Variants in GALNT14 observed in about 807,000 individuals in gnomAD.
The protein encoded by GALNT14 is polypeptide N-acetylgalactosaminyltransferase 14, also known as UDP-GalNAc:polypeptide N-acetylgalactosaminyltransferase 14.
Under a neutral mutation model 77.5 loss-of-function variants are expected in GALNT14, and 60 were observed. That is an observed-to-expected ratio of 0.77 (90% CI 0.63 to 0.96). The LOEUF is 0.96. Ranked by LOEUF, GALNT14 falls within the 40% of genes least tolerant of loss-of-function variation. GALNT14 has a pLI of 0.00. For missense variants in GALNT14, 710 were observed against 731.0 expected (o/e 0.97, Z 0.33); for synonymous variants, 280 against 281.7 (o/e 0.99, Z 0.06).
At chr2:30,890,749 C>G in the GALNT14 span, among the ~76,000 whole-genome samples, 2 of 152,200 alleles carry the variant, frequency 1.3e-5, no homozygotes, top group Non-Finnish European at 2.9e-5. Context: ...GTCTGCATCT[C>G]TCATTAGAGA....
intron 7 of GALNT14, 128 bp from the exon 8 acceptor site, chr2:30,945,070 G>T: frequency 1.5e-6 from 1 of 687,178 alleles, no homozygotes; most frequent in Non-Finnish European, 2.3e-6. Context: ...CGGTCCCTGG[G>T]ATTGCAGGTT....
chr2:30,895,241 T>G, the GALNT14 span, among the ~76,000 whole-genome samples: 24 of 152,104 alleles, frequency 1.6e-4, no homozygotes, highest in Non-Finnish European at 3.1e-4. Context: ...GGGGGTCCCA[T>G]TCTCTGAGGA....
At chr2:30,945,114 C>T (rs1025288808) in intron 7 of GALNT14, among the ~76,000 whole-genome samples, 172 bp from the exon 8 acceptor site, 8 of 152,346 alleles carry the variant, frequency 5.3e-5, no homozygotes, top group African/African-American at 1.2e-4. Flanking sequence ...GCTGCCAAAG[C>T]GCCGTTCACA....
In GALNT14 at chr2:30,917,076, C is replaced by CAAA. The variant is rs529653696; in HGVS notation, c.1381-4737_1381-4735dup. ...TGGGCAAAAGAGTAAGACTCCGTCT[C>CAAA]AAAAAAAAAAAAAAAAAAAAAAAAA... On this transcript the variant is annotated intron_variant, in intron 13 of 14. Coordinates refer to ENST00000349752, the MANE Select transcript of GALNT14 (RefSeq NM_024572.4). Among the ~76,000 whole-genome samples the CAAA allele has an allele frequency of 4.3e-3, 86 of 19,904 alleles. 12 individuals carry two copies. The highest frequency in any genetic ancestry group is 0.014 in the African/African-American group (74 of 5,388). 13.1% of individuals were successfully genotyped at this position (19,904 alleles called of 152,430 possible).
At chr2:30,937,823 C>T (rs1364550130) in intron 9 of GALNT14, among the ~76,000 whole-genome samples, 1 of 152,162 alleles carries the variant, frequency 6.6e-6, no homozygotes, top group Non-Finnish European at 1.5e-5. Context: ...AGGGTGTGGA[C>T]ATCTTTGGGA....
At chr2:31,101,965 TGAA>T (rs1677303734) in intron 1 of GALNT14, among the ~76,000 whole-genome samples, 1 of 152,092 alleles carries the variant, frequency 6.6e-6, no homozygotes, top group Non-Finnish European at 1.5e-5. Context: ...CTGCTTCATG[TGAA>T]GAAGGACATG....
At chr2:30,949,408 G>GA (rs1412487721) in intron 6 of GALNT14, among the ~76,000 whole-genome samples, 2 of 152,168 alleles carry the variant, frequency 1.3e-5, no homozygotes, top group African/African-American at 4.8e-5. Context: ...GAGGCACACT[G>GA]AGTTCTCTGT....
At chr2:30,983,310 G>A (rs746982591) in intron 2 of GALNT14, among the ~76,000 whole-genome samples, 1 of 151,498 alleles carries the variant, frequency 6.6e-6, no homozygotes, top group Non-Finnish European at 1.5e-5. Flanking sequence ...CTTTCAGTCT[G>A]TTTTTTTTGT....
At chr2:30,959,833 C>A (rs1667578437) in intron 3 of GALNT14, among the ~76,000 whole-genome samples, 1 of 152,138 alleles carries the variant, frequency 6.6e-6, no homozygotes, top group Non-Finnish European at 1.5e-5. Context: ...CCTGAACACC[C>A]CAAACCACGT....
At chr2:30,953,739 C>T (rs1469609631) in intron 6 of GALNT14, among the ~76,000 whole-genome samples, 1 of 152,198 alleles carries the variant, frequency 6.6e-6, no homozygotes, top group Non-Finnish European at 1.5e-5. Context: ...CCTTACTAAG[C>T]AGGGTATGGA....
chr2:30,891,315 C>T, the GALNT14 span, among the ~76,000 whole-genome samples: 3 of 152,080 alleles, frequency 2.0e-5, no homozygotes, highest in Non-Finnish European at 2.9e-5. Context: ...AGTGCCTGTG[C>T]TAGCCAGGTG....
chr2:30,899,441 T>A, the GALNT14 span, among the ~76,000 whole-genome samples: 3 of 152,178 alleles, frequency 2.0e-5, no homozygotes, highest in Non-Finnish European at 4.4e-5. Context: ...CAGCCTGTTA[T>A]CTTCAGTAGC....
At chr2:30,905,414 G>T in the GALNT14 span, among the ~76,000 whole-genome samples, 2 of 152,020 alleles carry the variant, frequency 1.3e-5, no homozygotes, top group African/African-American at 4.8e-5. Context: ...CGTGAAGAAT[G>T]CAGAAGCCTC....
intron 1 of GALNT14, among the ~76,000 whole-genome samples, chr2:31,006,175 T>G (rs1365585397): frequency 1.3e-5 from 2 of 152,216 alleles, no homozygotes; most frequent in East Asian, 3.8e-4. Flanking sequence ...GGAATGTGTT[T>G]AGCATGGTTT....
intron 9 of GALNT14, among the ~76,000 whole-genome samples, chr2:30,936,157 C>G (rs1405772360): frequency 6.6e-6 from 1 of 152,072 alleles, no homozygotes; most frequent in East Asian, 1.9e-4. Flanking sequence ...TATTTGAGAG[C>G]GAATTGCCCT....
At chr2:31,088,987 C>T (rs1283703898) in intron 1 of GALNT14, among the ~76,000 whole-genome samples, 1 of 152,174 alleles carries the variant, frequency 6.6e-6, no homozygotes, top group Non-Finnish European at 1.5e-5. Flanking sequence ...AGATGAGCAG[C>T]TTAGATGGGA....
chr2:31,130,497 G>C (rs546211178), intron 1 of GALNT14, among the ~76,000 whole-genome samples: 1 of 152,292 alleles, frequency 6.6e-6, no homozygotes, highest in East Asian at 1.9e-4. Context: ...AGCATGGACA[G>C]AACATCAGGA....
chr2:30,927,173 G>T (rs1245802748), intron 11 of GALNT14, among the ~76,000 whole-genome samples: 1 of 152,026 alleles, frequency 6.6e-6, no homozygotes, highest in South Asian at 2.1e-4. Flanking sequence ...CCTGGTGTGG[G>T]GTCTTTAGAA....
At chr2:31,072,263 TCACACACACACACACACATACA>T (rs1295117487) in intron 1 of GALNT14, among the ~76,000 whole-genome samples, 6 of 80,276 alleles carry the variant, frequency 7.5e-5, no homozygotes, top group South Asian at 3.4e-4. Context: ...TCTCTCTCTC[TCACACACACACACACACATACA>T]CACACACACA....
Sources: allele counts gnomAD v4.1 joint callset (sites outside exome capture counted in the v4.1 genomes callset), GRCh38; gene constraint gnomAD v4.1.1; transcripts MANE v1.5; gene names NCBI Gene and HGNC (gene_info 2026-07-23, HGNC 2026-07-21).